The following PDS5B variants were observed in gnomAD, a reference collection of about 807,000 sequenced individuals.
PDS5B encodes PDS5 cohesin associated factor B.
In PDS5B, 51 loss-of-function variants were observed where a neutral mutation model predicts 184.1. The ratio of observed to expected loss-of-function variants is 0.28; its 90% CI spans 0.22 to 0.35. PDS5B has a LOEUF of 0.35. Ranked by LOEUF, PDS5B falls within the 10% of genes least tolerant of loss-of-function variation. PDS5B has a pLI of 1.00. For missense variants in PDS5B, 1,180 were observed against 1,723.3 expected, an observed-to-expected ratio of 0.68 and a Z score of 5.58; for synonymous variants, 566 against 569.2, an observed-to-expected ratio of 0.99 and a Z score of 0.08.
chr13:32,641,601 T>G (rs1343560962), intron 1 of PDS5B, among the ~76,000 whole-genome samples: 1 of 152,152 alleles, frequency 6.6e-6, no homozygotes, highest in African/African-American at 2.4e-5. Context: ...TAACAATTAC[T>G]CTCATTTTTC....
At chr13:32,746,129 T>C in intron 24 of PDS5B, 29 bp downstream of exon 24, 1 of 1,584,902 alleles carries the variant, frequency 6.3e-7, no homozygotes, top group Non-Finnish European at 8.6e-7. Context: ...ACAACTACTT[T>C]TTGAAGGTCT....
At chr13:32,637,819 A>G (rs2058587668) in intron 1 of PDS5B, among the ~76,000 whole-genome samples, 1 of 152,224 alleles carries the variant, frequency 6.6e-6, no homozygotes, top group Non-Finnish European at 1.5e-5. Flanking sequence ...AATAAGGATT[A>G]GAAAAGTGTT....
rs762880354 is a variant in PDS5B, at chr13:32,764,556, A to G, written c.3586A>G (p.Lys1196Glu). 40 of 1,595,862 alleles carry G rather than the reference A, an allele frequency of 2.5e-5. No homozygotes were observed. The highest frequency in any genetic ancestry group is 3.3e-5 in the Non-Finnish European group (39 of 1,168,404). Residue 1196 changes from lysine to glutamate, a missense_variant, in exon 31 of 35, where the codon AAA becomes GAA. Around this residue, in one of 11 missense-constraint regions of PDS5B, gnomAD observed 465 missense variants for 497.8 expected, o/e 0.93. Coordinates refer to ENST00000315596, the MANE Select transcript of PDS5B (RefSeq NM_015032.4). ...CACAATGTCTTCACCTTTGCCGGGGAAAAAAAGTGACAAGAGAGACGACTC... is the reference window on the plus strand; with the variant it reads ...CACAATGTCTTCACCTTTGCCGGGGGAAAAAAGTGACAAGAGAGACGACTC... ...DYTMSSPLPGKKSDKRDDSDL... is the reference protein window; with the variant it reads ...DYTMSSPLPGEKSDKRDDSDL...
chr13:32,681,594 C>G (rs1157901783), intron 10 of PDS5B, among the ~76,000 whole-genome samples: 1 of 151,370 alleles, frequency 6.6e-6, no homozygotes, highest in Non-Finnish European at 1.5e-5. Flanking sequence ...CCACTGCACC[C>G]CAGCCTGGGC....
chr13:32,775,629 T>C lies in PDS5B; in HGVS notation c.*577T>C, dbSNP rs776772781. On this transcript the variant is annotated 3_prime_UTR_variant, in exon 35 of 35. Coordinates refer to ENST00000315596, the MANE Select transcript of PDS5B (RefSeq NM_015032.4). ...CCCTTAATCTTCAGAGGTGCTAAAT[T>C]GTCTGCCATTACACCAGAAGGATGC... is the stretch of plus-strand genomic sequence containing the variant. 2.0e-5 allele frequency: 9 copies of C among 456,024 alleles called. No individual in the cohort carries two copies. Among genetic ancestry groups the C allele is most frequent in the South Asian group, 1.4e-4 (9 of 64,504 alleles). The allele number at this position is 456,024 out of a possible 1,614,324, so 28.2% of individuals were successfully genotyped here. A position where few individuals can be genotyped will look rare whatever the true frequency, so the allele number is the denominator to read the frequency against.
chr13:32,681,849 C>G (rs1452990186), intron 10 of PDS5B, among the ~76,000 whole-genome samples: 1 of 152,046 alleles, frequency 6.6e-6, no homozygotes, highest in African/African-American at 2.4e-5. Context: ...TTGTAATTCT[C>G]CCTTTGAGAT....
intron 3 of PDS5B, among the ~76,000 whole-genome samples, chr13:32,655,213 A>G (rs1437485053): frequency 1.3e-5 from 2 of 150,422 alleles, no homozygotes; most frequent in East Asian, 2.0e-4. Flanking sequence ...TGACTTTTTA[A>G]CAATAGCCAT....
intron 3 of PDS5B, chr13:32,652,304 A>G (rs1362813928): frequency 7.7e-6 from 2 of 259,940 alleles, no homozygotes; most frequent in East Asian, 8.1e-5. Context: ...TTGAAAATCC[A>G]TATTGAAGAC....
At chr13:32,590,838 A>G (rs945882519) in intron 1 of PDS5B, among the ~76,000 whole-genome samples, 75 of 152,000 alleles carry the variant, frequency 4.9e-4, no homozygotes, top group African/African-American at 1.4e-3. Context: ...TGCAGGGGCA[A>G]GTTGCAGGGG....
At chr13:32,764,374 T>G (rs1212367549) in intron 30 of PDS5B, 115 bp from the exon 31 acceptor site, 1 of 469,820 alleles carries the variant, frequency 2.1e-6, no homozygotes, top group African/African-American at 2.0e-5. Flanking sequence ...TGAAACTGAT[T>G]CATTTTTGAA....
chr13:32,649,046 G>T (rs890676475), intron 2 of PDS5B, 166 bp downstream of exon 2: 42 of 540,924 alleles, frequency 7.8e-5, no homozygotes, highest in Non-Finnish European at 1.2e-4. Context: ...GTACAGTGGG[G>T]ATTATTTGGC....
In PDS5B at chr13:32,757,170, T is replaced by C. The variant is rs1210463272; in HGVS notation, c.3057-917T>C. ...ATTAGTTCTATCAAAATTAGTTTTG[T>C]GTTAGAGTGATTAAAACTGTTGAAA... On this transcript the variant is annotated intron_variant, in intron 26 of 34. Transcript: ENST00000315596. Among the ~76,000 whole-genome samples the C allele has an allele frequency of 3.3e-5, 5 of 152,160 alleles. No homozygotes were observed. The East Asian group carries it at 9.7e-4, about 29-fold the overall frequency.
At chr13:32,772,571 T>C (rs1009210448) in intron 33 of PDS5B, among the ~76,000 whole-genome samples, 3 of 152,098 alleles carry the variant, frequency 2.0e-5, no homozygotes, top group African/African-American at 4.8e-5. Flanking sequence ...GTTTGTTGGA[T>C]TGTAGTTGTG....
chr13:32,747,322 TC>T (rs757527151), intron 24 of PDS5B, among the ~76,000 whole-genome samples: 194 of 152,282 alleles, frequency 1.3e-3, no homozygotes, highest in Non-Finnish European at 1.1e-3. Flanking sequence ...CAATTCTTCC[TC>T]CCCACCCTTT....
At chr13:32,766,636 C>T (rs1286634792) in intron 31 of PDS5B, among the ~76,000 whole-genome samples, 1 of 152,142 alleles carries the variant, frequency 6.6e-6, no homozygotes, top group Non-Finnish European at 1.5e-5. Context: ...TGAAATTTCA[C>T]AGCAAAGGAA....
chr13:32,701,143 T>C (rs1051330745), intron 16 of PDS5B, 180 bp from the exon 17 acceptor site: 6 of 492,116 alleles, frequency 1.2e-5, no homozygotes, highest in Middle Eastern at 5.6e-4. Flanking sequence ...ACTTGAAATA[T>C]TACCTTTTTC....
At chr13:32,649,031 A>T (rs540123275) in intron 2 of PDS5B, 151 bp downstream of exon 2, 1 of 616,196 alleles carries the variant, frequency 1.6e-6, no homozygotes, top group Non-Finnish European at 2.9e-6. Flanking sequence ...AGTAGAGTAT[A>T]TAAGGTACAG....
rs2140829099 is a variant in PDS5B at position 32,688,565 on chromosome 13, G to T, written c.1465G>T (p.Val489Leu). ...GTATGCCACACTGGATTTAAATGCT[G>T]TGAAGTATGTTTCAAATATCAAATT... ...YLYATLDLNA[V>L]KALNEMWKCQ... is the part of the protein sequence containing the mutation. Residue 489 changes from valine (V) to leucine (L), a missense_variant, in exon 13 of 35, where the codon GTG becomes TTG. Coordinates refer to ENST00000315596, the MANE Select transcript of PDS5B (RefSeq NM_015032.4). 4 of 1,513,400 alleles carry T rather than the reference G, an allele frequency of 2.6e-6. No homozygotes were observed. Among genetic ancestry groups the T allele is most frequent in the South Asian group, 1.1e-5 (1 of 88,980 alleles). The allele number at this position is 1,513,400 out of a possible 1,614,324, so 93.7% of individuals were successfully genotyped here.
intron 19 of PDS5B, among the ~76,000 whole-genome samples, chr13:32,717,720 TAA>T (rs1220035606): frequency 0.017 from 2,168 of 126,634 alleles, 35 homozygotes; most frequent in South Asian, 0.064. Flanking sequence ...ATCAATAAAT[TAA>T]AAAAAAAAAA....
Sources: allele counts gnomAD v4.1 joint callset (sites outside exome capture counted in the v4.1 genomes callset), GRCh38; gene constraint gnomAD v4.1.1; regional missense constraint gnomAD v4.1.1; transcripts MANE v1.5; gene names NCBI Gene and HGNC (gene_info 2026-07-23, HGNC 2026-07-21).